The following OVCH2 variants were observed in gnomAD, a reference collection of about 807,000 sequenced individuals.
OVCH2 encodes the protein ovochymase 2.
Under a neutral mutation model 73.7 loss-of-function variants are expected in OVCH2, and 88 were observed. That is an observed-to-expected ratio of 1.19 (90% confidence interval 1.01 to 1.43). The LOEUF is 1.43. OVCH2 is among the 40% of genes most tolerant of loss of function. The pLI, the probability that OVCH2 is intolerant of heterozygous loss-of-function variation, is 0.00. For missense variants in OVCH2, 706 were observed against 674.5 expected (o/e 1.05, Z -0.52); for synonymous variants, 265 against 234.5 (o/e 1.13, Z -1.19).
chr11:7,691,403 T>C lies in OVCH2; in HGVS notation c.1508-3A>G. The C allele has an allele frequency of 6.2e-7, 1 of 1,610,500 alleles. No homozygotes were observed. Among genetic ancestry groups the C allele is most frequent in the Non-Finnish European group, 8.5e-7 (1 of 1,177,664 alleles). On this transcript the variant is annotated splice_region_variant and splice_polypyrimidine_tract_variant and intron_variant, in intron 13 of 15. Coordinates refer to ENST00000533663, the MANE Select transcript of OVCH2 (RefSeq NM_198185.7). ...GACATCATAGCCACACAGCCGAGCT[T>C]GTTGAAGGCCAGCCCAGGCATGACA... is the stretch of plus-strand genomic sequence containing the variant.
chr11:7,683,618 C>T, the OVCH2 span, among the ~76,000 whole-genome samples: 3 of 152,138 alleles, frequency 2.0e-5, no homozygotes, highest in African/African-American at 7.2e-5. Flanking sequence ...CATCCCATTC[C>T]ACTTAGAGTA....
At chr11:7,680,064 A>G in the OVCH2 span, among the ~76,000 whole-genome samples, 6,212 of 152,306 alleles carry the variant, frequency 0.041, 175 homozygotes, top group Middle Eastern at 0.088. Flanking sequence ...CATAACTAAC[A>G]TGATTCCCTG....
intron 3 of OVCH2, 99 bp from the exon 4 acceptor site, chr11:7,702,428 T>C: frequency 1.1e-6 from 1 of 906,088 alleles, no homozygotes; most frequent in South Asian, 1.9e-5. Flanking sequence ...TATGGATAAA[T>C]AATATGGGGT....
At chr11:7,688,359 G>A (rs998307205), downstream of OVCH2, among the ~76,000 whole-genome samples, 2 of 152,076 alleles carry the variant, frequency 1.3e-5, no homozygotes, top group Admixed American at 1.3e-4. Context: ...CTCCTCAAAT[G>A]TGCTACTGCT....
Position 7,695,601 on chromosome 11 carries a change from G to A in OVCH2, c.1251C>T (p.Thr417=), listed in dbSNP as rs769428615. Residue 417 remains threonine, a synonymous_variant, in exon 11 of 16, where the codon ACC becomes ACT. Transcript: ENST00000533663. ...ATDNAAGFNL[T]YKALKPNYIP... ...TGTAGTTTGGTTTAAGAGCTTTATA[G>A]GTAAGATTAAACCCAGCTGCATTAT... The A allele has an allele frequency of 3.7e-6, 6 of 1,613,720 alleles. No individual in the cohort carries two copies. Among genetic ancestry groups the A allele is most frequent in the Non-Finnish European group, 3.4e-6 (4 of 1,179,690 alleles).
intron 4 of OVCH2, 69 bp from the exon 5 acceptor site, chr11:7,701,880 T>G: frequency 7.5e-7 from 1 of 1,334,670 alleles, no homozygotes; most frequent in Admixed American, 2.0e-5. Flanking sequence ...CACTCACCAC[T>G]TGGTATCCAG....
chr11:7,690,095 C>G (rs1486600690), intron 14 of OVCH2, 82 bp from the exon 15 acceptor site: 1 of 1,052,274 alleles, frequency 9.5e-7, no homozygotes, highest in Non-Finnish European at 1.4e-6. Context: ...ATTTATGAAG[C>G]TATTGTTAGA....
At chr11:7,694,975 G>A (rs1201612782) in intron 12 of OVCH2, 83 bp downstream of exon 12, 2 of 1,455,268 alleles carry the variant, frequency 1.4e-6, no homozygotes, top group Admixed American at 2.5e-5. Context: ...GAATAAATCA[G>A]ATAAAACCTC....
At chr11:7,701,231 A>G in intron 6 of OVCH2, 93 bp downstream of exon 6, 1 of 1,421,530 alleles carries the variant, frequency 7.0e-7, no homozygotes, top group African/African-American at 1.5e-5. Context: ...TTTCTAATTA[A>G]ATTAAATTTC....
At chr11:7,705,477 C>T (rs529333468) in intron 1 of OVCH2, 3 of 152,310 alleles carry the variant, frequency 2.0e-5, no homozygotes, top group South Asian at 4.1e-4. Flanking sequence ...GAGAACACAT[C>T]CTTAAGAGTA....
In OVCH2 at chr11:7,700,384, G is replaced by A. The variant is rs1856413581; in HGVS notation, c.813C>T (p.Asn271=). The A allele has an allele frequency of 1.2e-6, 2 of 1,613,514 alleles. No homozygotes were observed. Among genetic ancestry groups the A allele is most frequent in the Non-Finnish European group, 1.7e-6 (2 of 1,179,746 alleles). Reference sequence around the variant, plus strand: ...ATCCTTGATCACTTTTCCTCACATTGTTTCTCCAGCCTCGACCACAGCCCA... The same window carrying A: ...ATCCTTGATCACTTTTCCTCACATTATTTCTCCAGCCTCGACCACAGCCCA... The part of the protein sequence containing the change: ...WGLGCGRGWR[N]NVRKSDQGSP... The change falls in exon 7 of 16, where the codon AAC becomes AAT. Residue 271 remains asparagine (N), a synonymous_variant. Coordinates refer to ENST00000533663, the MANE Select transcript of OVCH2 (RefSeq NM_198185.7).
intron 12 of OVCH2, among the ~76,000 whole-genome samples, chr11:7,692,825 C>G (rs1856246766): frequency 6.6e-6 from 1 of 152,196 alleles, no homozygotes; most frequent in South Asian, 2.1e-4. Flanking sequence ...AAGAATAAAT[C>G]ATGACAAACC....
intron 12 of OVCH2, among the ~76,000 whole-genome samples, chr11:7,693,309 T>C (rs1465410421): frequency 6.6e-6 from 1 of 152,196 alleles, no homozygotes; most frequent in Admixed American, 6.5e-5. Flanking sequence ...GTATCAGAAA[T>C]AGGATTCATT....
intron 8 of OVCH2, among the ~76,000 whole-genome samples, chr11:7,697,863 T>C (rs573492001): frequency 1.7e-4 from 26 of 152,346 alleles, no homozygotes; most frequent in South Asian, 8.3e-4. Flanking sequence ...TATTAAAATA[T>C]AGTTCAAACC....
In OVCH2 at chr11:7,701,818, A is replaced by T; in HGVS notation, c.464-7T>A. ...ATGGGCCCCACAAAGTGGCCTGAAG[A>T]AAAGAGCAAGGTAGGGCTTGTCTCA... On this transcript the variant is annotated splice_region_variant and splice_polypyrimidine_tract_variant and intron_variant, in intron 4 of 15. Coordinates refer to ENST00000533663, the MANE Select transcript of OVCH2 (RefSeq NM_198185.7). The T allele has an allele frequency of 6.2e-7, 1 of 1,604,882 alleles. No homozygotes were observed. Among genetic ancestry groups the T allele is most frequent in the South Asian group, 1.1e-5 (1 of 89,034 alleles).
chr11:7,691,884 G>C lies in OVCH2; in HGVS notation c.1507+18C>G. ...CCAAACACAAACCAGAGCGAGCTGAGGCTCAGAGGACACAAACCTATTTCC... is the reference window on the plus strand; with the variant it reads ...CCAAACACAAACCAGAGCGAGCTGACGCTCAGAGGACACAAACCTATTTCC... On this transcript the variant is annotated intron_variant, in intron 13 of 15. Coordinates refer to ENST00000533663, the MANE Select transcript of OVCH2 (RefSeq NM_198185.7). 1 of 1,544,912 alleles carries C rather than the reference G, an allele frequency of 6.5e-7. No individual in the cohort carries two copies. The highest frequency in any genetic ancestry group is 8.8e-7 in the Non-Finnish European group (1 of 1,139,994).
chr11:7,698,915 G>A (rs1034028615), intron 7 of OVCH2, 142 bp from the exon 8 acceptor site: 2 of 773,874 alleles, frequency 2.6e-6, no homozygotes, highest in Non-Finnish European at 4.1e-6. Context: ...AAGAAGGGAA[G>A]GGATAAATGG....
chr11:7,687,307 GAAATAATAATAA>G (rs1290368467), downstream of OVCH2, among the ~76,000 whole-genome samples: 1 of 92,918 alleles, frequency 1.1e-5, no homozygotes, highest in Admixed American at 9.8e-5. Context: ...GATGGCTGTG[GAAATAATAATAA>G]TAATAATAAT....
At chr11:7,698,609 T>A in intron 8 of OVCH2, 141 bp downstream of exon 8, 2 of 739,834 alleles carry the variant, frequency 2.7e-6, no homozygotes, top group South Asian at 3.9e-5. Context: ...CTGGGCATAA[T>A]GGCTGTAGGT....
Sources: gnomAD v4.1 joint callset for allele counts (sites outside exome capture counted in the v4.1 genomes callset) on GRCh38, gnomAD v4.1.1 for gene constraint, MANE v1.5 for transcripts, NCBI Gene and HGNC (gene_info 2026-07-23, HGNC 2026-07-21) for gene names.